Variants in NDUFS4 observed in about 807,000 individuals in gnomAD.
NDUFS4 encodes the protein NADH dehydrogenase [ubiquinone] iron-sulfur protein 4, mitochondrial.
NDUFS4 carries 28 observed loss-of-function variants against 24.3 expected under a neutral mutation model. The ratio of observed to expected loss-of-function variants is 1.15; its 90% CI spans 0.85 to 1.58. The LOEUF (loss-of-function observed/expected upper bound fraction) is 1.58. NDUFS4 is among the 40% of genes most tolerant of loss of function. The pLI is 0.00. For missense variants in NDUFS4, 223 were observed against 207.9 expected (o/e 1.07, Z -0.45); for synonymous variants, 93 against 69.7 (o/e 1.34, Z -1.67).
At chr5:53,633,713 G>T (rs1364354621) in intron 2 of NDUFS4, among the ~76,000 whole-genome samples, 1 of 152,028 alleles carries the variant, frequency 6.6e-6, no homozygotes, top group Non-Finnish European at 1.5e-5. Context: ...ACCCAAGATG[G>T]GTAGAAGAAA....
intron 2 of NDUFS4, among the ~76,000 whole-genome samples, chr5:53,620,243 A>G (rs374449096): frequency 3.3e-5 from 5 of 152,212 alleles, no homozygotes; most frequent in African/African-American, 1.2e-4. Context: ...TATTTTTAAT[A>G]TACATGGCCT....
chr5:53,631,744 C>G (rs1751416433), intron 2 of NDUFS4, among the ~76,000 whole-genome samples: 1 of 152,182 alleles, frequency 6.6e-6, no homozygotes, highest in South Asian at 2.1e-4. Flanking sequence ...CTCCAGCATC[C>G]CAGGTCGATC....
chr5:53,560,719 A>T lies in NDUFS4; in HGVS notation c.57A>T (p.Ala19=). 2 of 1,614,246 alleles carry T rather than the reference A, an allele frequency of 1.2e-6. No homozygotes were observed. Among genetic ancestry groups the T allele is most frequent in the Non-Finnish European group, 1.7e-6 (2 of 1,180,036 alleles). The change falls in exon 1 of 5, where the codon GCA becomes GCT. Residue 19 remains alanine (A), a synonymous_variant. Coordinates refer to ENST00000296684, the MANE Select transcript of NDUFS4 (RefSeq NM_002495.4). ...VLRQTLWRRR[A]VAVAALSVSR... ...GGCAGACGTTGTGGCGGAGAAGGGCAGTGGCTGTAGCTGCCCTTTCCGTTT... is the reference window on the plus strand; with the variant it reads ...GGCAGACGTTGTGGCGGAGAAGGGCTGTGGCTGTAGCTGCCCTTTCCGTTT...
chr5:53,662,700 A>G (rs964800423), intron 4 of NDUFS4, among the ~76,000 whole-genome samples: 1 of 152,132 alleles, frequency 6.6e-6, no homozygotes, highest in Admixed American at 6.5e-5. Flanking sequence ...TTAGAGATTC[A>G]GCTTCTTCCT....
At chr5:53,608,761 CTTCT>C (rs775517696) in intron 2 of NDUFS4, among the ~76,000 whole-genome samples, 1 of 152,176 alleles carries the variant, frequency 6.6e-6, no homozygotes, top group African/African-American at 2.4e-5. Context: ...TTGGATTCAA[CTTCT>C]TTCTTTTTTG....
intron 1 of NDUFS4, among the ~76,000 whole-genome samples, chr5:53,601,194 G>T (rs888479787): frequency 6.6e-6 from 1 of 151,738 alleles, no homozygotes; most frequent in African/African-American, 2.4e-5. Context: ...TAGTAGAGAC[G>T]GGGTTTCACC....
intron 4 of NDUFS4, among the ~76,000 whole-genome samples, chr5:53,671,613 T>C (rs1305501327): frequency 6.6e-6 from 1 of 152,206 alleles, no homozygotes; most frequent in Admixed American, 6.5e-5. Context: ...CTCACTTCAG[T>C]TCTTTGTGTA....
chr5:53,653,160 G>GT (rs35301238), intron 3 of NDUFS4, among the ~76,000 whole-genome samples: 37,909 of 151,638 alleles, frequency 0.25, 6,165 homozygotes, highest in East Asian at 0.47. Context: ...TTTTAAAAAT[G>GT]TTTTTTTTGT....
chr5:53,662,370 T>A (rs1397734461), intron 4 of NDUFS4, among the ~76,000 whole-genome samples: 5 of 152,334 alleles, frequency 3.3e-5, no homozygotes, highest in Middle Eastern at 3.4e-3. Context: ...GATAAGCTTT[T>A]TGATGTGCTG....
intron 2 of NDUFS4, among the ~76,000 whole-genome samples, chr5:53,611,841 G>A (rs1333462825): frequency 6.6e-6 from 1 of 151,930 alleles, no homozygotes; most frequent in African/African-American, 2.4e-5. Context: ...CAATGAACAT[G>A]TTGTCTTTTT....
At chr5:53,631,639 C>G (rs1473757135) in intron 2 of NDUFS4, among the ~76,000 whole-genome samples, 1 of 152,162 alleles carries the variant, frequency 6.6e-6, no homozygotes, top group Non-Finnish European at 1.5e-5. Flanking sequence ...ATGGGATCCT[C>G]CCAGTTTGAA....
intron 2 of NDUFS4, among the ~76,000 whole-genome samples, chr5:53,621,509 C>A (rs532396509): frequency 6.6e-6 from 1 of 151,614 alleles, no homozygotes; most frequent in Non-Finnish European, 1.5e-5. Flanking sequence ...TTTGTTTTAA[C>A]AGTTGCTTTA....
At chr5:53,586,036 CAA>C (rs1287537105) in intron 1 of NDUFS4, among the ~76,000 whole-genome samples, 2 of 151,750 alleles carry the variant, frequency 1.3e-5, no homozygotes, top group African/African-American at 4.8e-5. Context: ...CTTTTATTAA[CAA>C]ATAATATCGG....
chr5:53,607,309 A>G (rs186546975), intron 2 of NDUFS4, among the ~76,000 whole-genome samples: 113 of 152,324 alleles, frequency 7.4e-4, no homozygotes, highest in Non-Finnish European at 1.4e-3. Flanking sequence ...GTCAAGCTCA[A>G]TCACATCCAT....
intron 2 of NDUFS4, among the ~76,000 whole-genome samples, chr5:53,632,410 A>C (rs1035941522): frequency 6.6e-6 from 1 of 152,164 alleles, no homozygotes; most frequent in Admixed American, 6.5e-5. Context: ...GTGTTCAGCA[A>C]AATCTTTACT....
At chr5:53,655,232 G>C (rs1458002754) in intron 3 of NDUFS4, among the ~76,000 whole-genome samples, 1 of 152,124 alleles carries the variant, frequency 6.6e-6, no homozygotes, top group South Asian at 2.1e-4. Context: ...ACATGCATGT[G>C]AGTAGTACCC....
chr5:53,560,940 G>A (rs1410302091), intron 1 of NDUFS4, among the ~76,000 whole-genome samples, 180 bp downstream of exon 1: 1 of 152,182 alleles, frequency 6.6e-6, no homozygotes, highest in Non-Finnish European at 1.5e-5. Flanking sequence ...AGGCGAGTGA[G>A]GGCGTGAGTG....
chr5:53,641,747 A>G (rs1178659919), intron 2 of NDUFS4, among the ~76,000 whole-genome samples: 1 of 152,140 alleles, frequency 6.6e-6, no homozygotes, highest in Non-Finnish European at 1.5e-5. Context: ...GTCCTTATTT[A>G]TGAAACCTTT....
chr5:53,618,000 G>A (rs535343662), intron 2 of NDUFS4, among the ~76,000 whole-genome samples: 2 of 152,242 alleles, frequency 1.3e-5, no homozygotes, highest in Non-Finnish European at 2.9e-5. Context: ...GGAGAGCCTG[G>A]ATGCAGTGGC....
Sources: gnomAD v4.1 joint callset for allele counts (sites outside exome capture counted in the v4.1 genomes callset) on GRCh38, gnomAD v4.1.1 for gene constraint, MANE v1.5 for transcripts, NCBI Gene and HGNC (gene_info 2026-07-23, HGNC 2026-07-21) for gene names.